The following GPD2 variants were observed in gnomAD, a reference collection of about 807,000 sequenced individuals.
GPD2 encodes the protein glycerol-3-phosphate dehydrogenase, mitochondrial.
A neutral mutation model predicts 82.4 loss-of-function variants in GPD2; 54 were observed. The ratio of observed to expected loss-of-function variants is 0.66; its 90% CI spans 0.53 to 0.82. The LOEUF is 0.82. Among genes scored for constraint, GPD2 ranks in the 40% least tolerant of loss-of-function variants. GPD2 has a pLI of 0.00. For synonymous variants in GPD2, 288 were observed against 306.1 expected (o/e 0.94, Z 0.62); for missense variants, 748 against 896.2 (o/e 0.83, Z 2.11).
chr2:156,461,610 C>A (rs1022532286), intron 1 of GPD2, among the ~76,000 whole-genome samples: 6 of 152,154 alleles, frequency 3.9e-5, no homozygotes, highest in Non-Finnish European at 5.9e-5. Context: ...AAACTCCTGA[C>A]CTCAAGCGAT....
At position 156,583,078 on chromosome 2, in the gene GPD2, G is replaced by T; in HGVS notation, c.*160G>T. 1.4e-6 allele frequency: 1 copy of T among 732,872 alleles called. No individual in the cohort carries two copies. The allele number at this position is 732,872 out of a possible 1,614,324, so 45.4% of individuals were successfully genotyped here. The stretch of plus-strand genomic sequence containing the variant: ...CTTTAAGGTGTTGGTGTATTTGCCA[G>T]CTTTATTTGCTGTACTTTATTTGTA... On this transcript the variant is annotated 3_prime_UTR_variant, in exon 17 of 17. Transcript: ENST00000438166.
chr2:156,535,324 AAGAG>A (rs143374279), intron 6 of GPD2, among the ~76,000 whole-genome samples: 7 of 139,662 alleles, frequency 5.0e-5, no homozygotes, highest in African/African-American at 1.6e-4. Context: ...AGACCTGGGA[AAGAG>A]AGAGAGAGAG....
chr2:156,531,281 G>A (rs1685848355), intron 6 of GPD2, among the ~76,000 whole-genome samples: 1 of 152,092 alleles, frequency 6.6e-6, no homozygotes, highest in Admixed American at 6.5e-5. Flanking sequence ...TGGGAAGGGG[G>A]ATTTCTGCTG....
At chr2:156,552,634 G>C (rs1204988493) in intron 8 of GPD2, among the ~76,000 whole-genome samples, 1 of 152,130 alleles carries the variant, frequency 6.6e-6, no homozygotes, top group Non-Finnish European at 1.5e-5. Context: ...AGAAGACAGA[G>C]ATTATTCCCC....
At position 156,545,370 on chromosome 2, in the gene GPD2, A is replaced by T. The variant is rs74546854; in HGVS notation, c.662-4238A>T. ...GGGAATAAATTTAGTTAGAAATGAG[A>T]TTAAAGCTTTAGGGAGGTATTGTTT... On this transcript the variant is annotated intron_variant, in intron 6 of 16. Transcript: ENST00000438166. Among the ~76,000 whole-genome samples, 10 of 152,296 alleles carry T rather than the reference A, an allele frequency of 6.6e-5. No individual in the cohort carries two copies. In the East Asian group the frequency reaches 1.9e-3, roughly 29 times the overall value.
chr2:156,568,618 A>G (rs537321713), intron 9 of GPD2, among the ~76,000 whole-genome samples: 1 of 152,048 alleles, frequency 6.6e-6, no homozygotes, highest in East Asian at 1.9e-4. Context: ...TTACTTTTTC[A>G]TGGAAATTAT....
intron 3 of GPD2, among the ~76,000 whole-genome samples, chr2:156,506,756 C>A (rs1470446162): frequency 2.0e-5 from 3 of 152,138 alleles, no homozygotes; most frequent in African/African-American, 7.2e-5. Context: ...TACCTCTACC[C>A]CTCATTCCTG....
chr2:156,419,564 T>C, the GPD2 span, among the ~76,000 whole-genome samples: 1 of 152,234 alleles, frequency 6.6e-6, no homozygotes, highest in Non-Finnish European at 1.5e-5. Flanking sequence ...TAGGTCTCAT[T>C]GGGATCTCTT....
intron 6 of GPD2, among the ~76,000 whole-genome samples, chr2:156,525,294 T>C (rs538147098): frequency 5.3e-5 from 8 of 152,224 alleles, no homozygotes; most frequent in Non-Finnish European, 8.8e-5. Context: ...CTGAGCCCTT[T>C]TGATACCCTG....
chr2:156,438,521 G>A (rs1039007298), intron 1 of GPD2, among the ~76,000 whole-genome samples: 2 of 152,106 alleles, frequency 1.3e-5, no homozygotes, highest in African/African-American at 2.4e-5. Context: ...GAGGAGAGGC[G>A]AGTTAGTGGT....
chr2:156,438,130 C>T lies in GPD2; in HGVS notation c.-9+1617C>T, dbSNP rs571153511. Among the ~76,000 whole-genome samples the T allele has an allele frequency of 2.0e-5, 3 of 152,216 alleles. No homozygotes were observed. The East Asian group carries it at 5.8e-4, about 29-fold the overall frequency. ...TGACCTCCAATGCCTAGAGGGGTGA[C>T]TAGCTTGTAATACACCCTCAATAAA... On this transcript the variant is annotated intron_variant, in intron 1 of 16. Transcript: ENST00000438166.
At chr2:156,490,454 C>T (rs934136668) in intron 2 of GPD2, among the ~76,000 whole-genome samples, 3 of 151,590 alleles carry the variant, frequency 2.0e-5, no homozygotes, top group Non-Finnish European at 4.4e-5. Flanking sequence ...ATAAATTACC[C>T]TTAATAGTGC....
At chr2:156,415,016 C>T in the GPD2 span, among the ~76,000 whole-genome samples, 1 of 151,996 alleles carries the variant, frequency 6.6e-6, no homozygotes, top group Non-Finnish European at 1.5e-5. Flanking sequence ...ATTGGGGTTA[C>T]GTAAATTCTT....
At chr2:156,408,890 C>T in the GPD2 span, among the ~76,000 whole-genome samples, 1 of 151,974 alleles carries the variant, frequency 6.6e-6, no homozygotes, top group African/African-American at 2.4e-5. Context: ...CCTAACCCCT[C>T]GAAATATGAC....
intron 1 of GPD2, among the ~76,000 whole-genome samples, chr2:156,437,493 C>T (rs534548426): frequency 6.6e-5 from 10 of 152,270 alleles, no homozygotes; most frequent in African/African-American, 2.2e-4. Context: ...AGACCGTGTG[C>T]AGTCTGGGGA....
intron 1 of GPD2, among the ~76,000 whole-genome samples, chr2:156,466,581 G>C (rs1683155774): frequency 6.6e-6 from 1 of 152,132 alleles, no homozygotes; most frequent in Admixed American, 6.5e-5. Context: ...CTTAAATAAT[G>C]CATCACTACT....
the GPD2 span, among the ~76,000 whole-genome samples, chr2:156,420,761 A>G: frequency 6.6e-6 from 1 of 152,244 alleles, no homozygotes; most frequent in African/African-American, 2.4e-5. Flanking sequence ...GAGAACTTCT[A>G]AGACATCATT....
intron 10 of GPD2, 31 bp downstream of exon 10, chr2:156,568,990 C>CA: frequency 8.0e-7 from 1 of 1,253,300 alleles, no homozygotes; most frequent in Non-Finnish European, 1.1e-6. Flanking sequence ...ATTTTCTTTT[C>CA]TTTTTTTTTT....
At chr2:156,536,687 T>C (rs546788315) in intron 6 of GPD2, among the ~76,000 whole-genome samples, 32 of 152,302 alleles carry the variant, frequency 2.1e-4, no homozygotes, top group Non-Finnish European at 4.3e-4. Flanking sequence ...CAGCAACAAG[T>C]AGGGCTCAAG....
Sources: gnomAD v4.1 joint callset for allele counts (sites outside exome capture counted in the v4.1 genomes callset) on GRCh38, gnomAD v4.1.1 for gene constraint, MANE v1.5 for transcripts, NCBI Gene and HGNC (gene_info 2026-07-23, HGNC 2026-07-21) for gene names.